MAGT1: variants seen among roughly 807,000 people sequenced by gnomAD.
MAGT1 encodes the protein magnesium transporter 1.
A neutral mutation model predicts 28.4 loss-of-function variants in MAGT1; 4 were observed. That is an observed-to-expected ratio of 0.14 (90% CI 0.07 to 0.32). The LOEUF is 0.32. Among genes scored for constraint, MAGT1 ranks in the 10% least tolerant of loss-of-function variants. The pLI, the probability that MAGT1 is intolerant of heterozygous loss-of-function variation, is 1.00. For synonymous variants in MAGT1, 89 were observed against 89.7 expected, an observed-to-expected ratio of 0.99 and a Z score of 0.04; for missense variants, 193 against 264.5, an observed-to-expected ratio of 0.73 and a Z score of 1.88.
At chrX:77,882,897 T>A (rs2149027928) in intron 1 of MAGT1, among the ~76,000 whole-genome samples, 1 of 105,631 alleles carries the variant, frequency 9.5e-6, no homozygotes, top group Non-Finnish European at 1.9e-5. Context: ...AGCCCAGGAG[T>A]TAGAGGCTGC....
intron 7 of MAGT1, among the ~76,000 whole-genome samples, chrX:77,850,127 T>A (rs192274742): frequency 7.2e-4 from 80 of 111,002 alleles, no homozygotes; most frequent in African/African-American, 1.5e-3. Context: ...TTAATTATTA[T>A]CAACCTGGAA....
intron 8 of MAGT1, among the ~76,000 whole-genome samples, chrX:77,839,581 C>G (rs375166551): frequency 9.6e-6 from 1 of 104,419 alleles, no homozygotes; most frequent in East Asian, 3.1e-4. Context: ...GATCTCGGCT[C>G]GCTGCAACCT....
Position 77,826,568 on chromosome X carries a change from T to C in MAGT1, c.*2652A>G, listed in dbSNP as rs2076883370. On this transcript the variant is annotated 3_prime_UTR_variant, in exon 10 of 10. Transcript: ENST00000618282. ...TTCAAAATTTTCACAAAAGTCACAC[T>C]ATTTTATAAGTGTAGTAAATTACCT... The C allele has an allele frequency of 8.9e-6, 1 of 112,891 alleles. No individual in the cohort carries two copies. Among genetic ancestry groups the C allele is most frequent in the East Asian group, 2.8e-4 (1 of 3,622 alleles). 9.3% of individuals were successfully genotyped at this position (112,891 alleles called of 1,213,427 possible).
intron 1 of MAGT1, among the ~76,000 whole-genome samples, chrX:77,886,766 T>G (rs1557219045): frequency 8.9e-6 from 1 of 112,262 alleles, no homozygotes; most frequent in Non-Finnish European, 1.9e-5. Context: ...ATGTTACACA[T>G]GTGATTCTTT....
At chrX:77,857,321 T>C (rs1557216082) in intron 4 of MAGT1, 36 bp downstream of exon 4, 3 of 1,207,990 alleles carry the variant, frequency 2.5e-6, no homozygotes, top group African/African-American at 3.5e-5. Context: ...AAGGGGATAA[T>C]GGCCAAGAAA....
At chrX:77,843,732 C>A (rs576251242) in intron 7 of MAGT1, among the ~76,000 whole-genome samples, 44 of 111,591 alleles carry the variant, frequency 3.9e-4, no homozygotes, top group Middle Eastern at 4.6e-3. Flanking sequence ...ATGTGCACAT[C>A]ATGCAGGTTT....
At chrX:77,837,057 G>C (rs2076920846) in intron 8 of MAGT1, among the ~76,000 whole-genome samples, 1 of 111,890 alleles carries the variant, frequency 8.9e-6, no homozygotes, top group Admixed American at 9.6e-5. Flanking sequence ...TGTTAGGTAA[G>C]AAACTTAGGA....
chrX:77,859,798 C>T (rs1411253918), intron 3 of MAGT1, among the ~76,000 whole-genome samples: 6 of 109,713 alleles, frequency 5.5e-5, no homozygotes, highest in African/African-American at 1.7e-4. Context: ...ACCTGGGAGG[C>T]GGAGGTTGCA....
intron 1 of MAGT1, among the ~76,000 whole-genome samples, chrX:77,883,271 TG>T (rs2077058371): frequency 9.5e-6 from 1 of 105,308 alleles, no homozygotes; most frequent in Non-Finnish European, 1.9e-5. Flanking sequence ...TATCCAGTAA[TG>T]GGATGGCTGG....
intron 2 of MAGT1, among the ~76,000 whole-genome samples, chrX:77,872,535 A>T (rs2077023102): frequency 8.9e-6 from 1 of 111,748 alleles, no homozygotes; most frequent in Non-Finnish European, 1.9e-5. Flanking sequence ...TCTTACTACT[A>T]ATCAATCTCA....
chrX:77,877,769 C>T (rs1412947756), intron 1 of MAGT1, among the ~76,000 whole-genome samples: 18 of 107,343 alleles, frequency 1.7e-4, no homozygotes, highest in African/African-American at 5.4e-4. Context: ...GCCGAGATCA[C>T]GCCACTGCGC....
chrX:77,883,437 T>C (rs2077058833), intron 1 of MAGT1, among the ~76,000 whole-genome samples: 1 of 108,802 alleles, frequency 9.2e-6, no homozygotes, highest in South Asian at 3.8e-4. Flanking sequence ...AAATAATTTA[T>C]CAAGTAGAAG....
chrX:77,866,082 A>C lies in MAGT1; in HGVS notation c.390+4726T>G, dbSNP rs1004352534. Among the ~76,000 whole-genome samples the C allele has an allele frequency of 3.7e-4, 24 of 64,875 alleles. 2 individuals carry two copies. Among genetic ancestry groups the C allele is most frequent in the African/African-American group, 7.5e-4 (21 of 28,114 alleles). The allele number at this position is 64,875 out of a possible 115,157, so 56.3% of individuals were successfully genotyped here. On this transcript the variant is annotated intron_variant, in intron 3 of 9. Coordinates refer to ENST00000618282, the MANE Select transcript of MAGT1 (RefSeq NM_001367916.1). ...GCTGAGGCACGAGAATCGCTTGAGC[A>C]GAGGTTGGCAGTGAGCCGAGATCAC...
chrX:77,843,446 G>A (rs2076941328), intron 7 of MAGT1, among the ~76,000 whole-genome samples: 1 of 110,847 alleles, frequency 9.0e-6, no homozygotes, highest in Admixed American at 9.7e-5. Flanking sequence ...ATGTTGCCCA[G>A]GCTGGTCTCA....
intron 3 of MAGT1, among the ~76,000 whole-genome samples, chrX:77,859,926 C>T (rs1444168625): frequency 9.0e-6 from 1 of 111,320 alleles, no homozygotes; most frequent in Non-Finnish European, 1.9e-5. Flanking sequence ...CCAAAATATA[C>T]TTCTACTTAA....
At chrX:77,854,766 C>T (rs1402784459) in intron 6 of MAGT1, among the ~76,000 whole-genome samples, 1 of 111,159 alleles carries the variant, frequency 9.0e-6, no homozygotes, top group Non-Finnish European at 1.9e-5. Context: ...AAATGCAAAA[C>T]ACTGCACCTG....
intron 7 of MAGT1, among the ~76,000 whole-genome samples, chrX:77,842,896 G>A (rs1291462349): frequency 1.8e-5 from 2 of 112,064 alleles, no homozygotes; most frequent in Non-Finnish European, 3.8e-5. Flanking sequence ...AGCTTAATAG[G>A]AGCTGCATAA....
intron 4 of MAGT1, 40 bp from the exon 5 acceptor site, chrX:77,856,913 T>A: frequency 2.7e-6 from 3 of 1,111,904 alleles, no homozygotes; most frequent in Non-Finnish European, 3.7e-6. Context: ...AGTATAAAAT[T>A]TTTTTACTAA....
intron 8 of MAGT1, among the ~76,000 whole-genome samples, chrX:77,831,123 T>C (rs2076897628): frequency 1.8e-5 from 2 of 110,935 alleles, no homozygotes; most frequent in South Asian, 7.5e-4. Flanking sequence ...GTTCATGCCA[T>C]TCTCCTACCT....
Sources: allele counts gnomAD v4.1 joint callset (sites outside exome capture counted in the v4.1 genomes callset), GRCh38; gene constraint gnomAD v4.1.1; transcripts MANE v1.5; gene names NCBI Gene and HGNC (gene_info 2026-07-23, HGNC 2026-07-21).